ZNF76: variants seen among roughly 807,000 people sequenced by gnomAD.
ZNF76 encodes zinc finger protein 523.
ZNF76 carries 66 observed loss-of-function variants against 66.9 expected under a neutral mutation model. The ratio of observed to expected loss-of-function variants is 0.99; its 90% CI spans 0.81 to 1.21. The LOEUF is 1.21. ZNF76 is among the 50% of genes most tolerant of loss of function. The probability of loss-of-function intolerance (pLI) is 0.00; values close to 1 mark genes in which losing one functional copy is unlikely to be tolerated. For synonymous variants in ZNF76, 275 were observed against 296.1 expected, an observed-to-expected ratio of 0.93 and a Z score of 0.73; for missense variants, 729 against 760.3, an observed-to-expected ratio of 0.96 and a Z score of 0.48.
intron 1 of ZNF76, among the ~76,000 whole-genome samples, chr6:35,278,690 G>A (rs973252996): frequency 4.6e-5 from 7 of 152,222 alleles, no homozygotes; most frequent in African/African-American, 1.4e-4. Flanking sequence ...GAGTCTTCAC[G>A]ACTGCACTGA....
At chr6:35,276,294 C>T (rs568224300) in intron 1 of ZNF76, among the ~76,000 whole-genome samples, 12 of 152,262 alleles carry the variant, frequency 7.9e-5, no homozygotes, top group African/African-American at 2.6e-4. Flanking sequence ...GAGATAGAAT[C>T]GAGATTAGAA....
chr6:35,291,637 C>T lies in ZNF76; in HGVS notation c.831C>T (p.Arg277=), dbSNP rs1790398580. 6.2e-7 allele frequency: 1 copy of T among 1,613,962 alleles called. No individual in the cohort carries two copies. The highest frequency in any genetic ancestry group is 8.5e-7 in the Non-Finnish European group (1 of 1,179,978). The change falls in exon 9 of 14, where the codon CGC becomes CGT. Residue 277 remains arginine (R), a synonymous_variant. Coordinates refer to ENST00000373953, the MANE Select transcript of ZNF76 (RefSeq NM_003427.5). ...TTSNIRKVHV[R]THTGERPYTC... The stretch of plus-strand genomic sequence containing the variant: ...CTAACATCCGCAAGGTACATGTGCG[C>T]ACCCACACAGGCGAGAGGCCCTACA...
Position 35,292,333 on chromosome 6 carries a change from T to G in ZNF76, c.932-221T>G. 9 of 551,522 alleles carry G rather than the reference T, an allele frequency of 1.6e-5. No individual in the cohort carries two copies. The highest frequency in any genetic ancestry group is 6.5e-5 in the East Asian group (2 of 30,788). 34.2% of individuals were successfully genotyped at this position (551,522 alleles called of 1,614,324 possible). A position where few individuals can be genotyped will look rare whatever the true frequency, so the allele number is the denominator to read the frequency against. ...AGCCCCAGCCTTGCCCTGTCCCCCG[T>G]TTCCTTTCCGCCTTGTCTCTGGATT... On this transcript the variant is annotated intron_variant, in intron 9 of 13. Transcript: ENST00000373953. This position sits in a 1 kb window ranked among gnomAD's most constrained non-coding sequence, Gnocchi z 4.7.
At chr6:35,275,740 A>C (rs1398764066) in intron 1 of ZNF76, among the ~76,000 whole-genome samples, 1 of 152,234 alleles carries the variant, frequency 6.6e-6, no homozygotes, top group African/African-American at 2.4e-5. Context: ...TTTAGCCTGT[A>C]CGCGAGAACA....
intron 1 of ZNF76, among the ~76,000 whole-genome samples, chr6:35,276,928 C>T (rs1213414682): frequency 2.7e-5 from 4 of 150,286 alleles, no homozygotes; most frequent in Admixed American, 6.7e-5. Flanking sequence ...TCCCAAGTAG[C>T]TAGGCATGTG....
rs1181429898 is a variant in ZNF76, at chr6:35,295,584, T to C, written c.*336T>C. On this transcript the variant is annotated 3_prime_UTR_variant, in exon 14 of 14. Transcript: ENST00000373953. ...GTCTGTTCCCCTTCTCAGGTAGAGA[T>C]TGGGGCTGCTATGGGGACTGGCCCT... is the stretch of plus-strand genomic sequence containing the variant. 2 of 363,454 alleles carry C rather than the reference T, an allele frequency of 5.5e-6. No individual in the cohort carries two copies. The highest frequency in any genetic ancestry group is 2.1e-5 in the South Asian group (1 of 46,610). The allele number at this position is 363,454 out of a possible 1,614,324, so 22.5% of individuals were successfully genotyped here.
At position 35,286,324 on chromosome 6, in the gene ZNF76, G is replaced by A. The variant is rs140950744; in HGVS notation, c.157G>A (p.Ala53Thr). The change falls in exon 4 of 14, where the codon GCT becomes ACT. Residue 53 changes from alanine (A) to threonine (T), a missense_variant and splice_region_variant. Transcript: ENST00000373953. The stretch of plus-strand genomic sequence containing the variant: ...GGCAGGCATTGCTCTCGTTACAGAA[G>A]CTCTCTCCTTTGAGGATGGTCAGCC... ...YIHQVTVQKE[A>T]LSFEDGQPVQ... 48 of 1,614,104 alleles carry A rather than the reference G, an allele frequency of 3.0e-5. No individual in the cohort carries two copies. The highest frequency in any genetic ancestry group is 3.4e-5 in the Non-Finnish European group (40 of 1,180,038).
chr6:35,282,367 A>C (rs1477913027), intron 2 of ZNF76, among the ~76,000 whole-genome samples: 1 of 152,068 alleles, frequency 6.6e-6, no homozygotes, highest in Non-Finnish European at 1.5e-5. Flanking sequence ...AAGTTCTAAA[A>C]AAAAAAAAAA....
intron 1 of ZNF76, among the ~76,000 whole-genome samples, chr6:35,267,138 A>G (rs1582032997): frequency 6.6e-6 from 1 of 151,832 alleles, no homozygotes; most frequent in East Asian, 1.9e-4. Context: ...TCTGTCACCC[A>G]GGCTGGAGTG....
intron 5 of ZNF76, chr6:35,288,344 C>G (rs1403735300): frequency 5.6e-6 from 2 of 356,912 alleles, no homozygotes; most frequent in Non-Finnish European, 1.1e-5. Context: ...AGCTGGGATT[C>G]CTGGATTATG....
chr6:35,290,175 C>A, intron 5 of ZNF76, 91 bp from the exon 6 acceptor site: 1 of 1,546,374 alleles, frequency 6.5e-7, no homozygotes, highest in Non-Finnish European at 8.8e-7. Context: ...TTTAACCCTG[C>A]CTGTTGGGTC....
intron 1 of ZNF76, among the ~76,000 whole-genome samples, chr6:35,275,655 C>T (rs970308485): frequency 2.0e-5 from 3 of 152,136 alleles, no homozygotes; most frequent in African/African-American, 7.2e-5. Context: ...TGGGAAAGGT[C>T]AGGGAACAAC....
intron 2 of ZNF76, among the ~76,000 whole-genome samples, chr6:35,282,673 G>A (rs1001606846): frequency 1.3e-5 from 2 of 152,190 alleles, no homozygotes; most frequent in Non-Finnish European, 2.9e-5. Context: ...CTGAAGCACT[G>A]TCATTGCAAC....
rs771837239 is a variant in ZNF76, at chr6:35,291,574, G to C, written c.768G>C (p.Gln256His). 1 of 1,613,726 alleles carries C rather than the reference G, an allele frequency of 6.2e-7. No homozygotes were observed. The highest frequency in any genetic ancestry group is 1.1e-5 in the South Asian group (1 of 91,084). The change falls in exon 9 of 14, where the codon CAG becomes CAC. Residue 256 changes from glutamine (Q) to histidine (H), a missense_variant. By Grantham distance (24) the Gln-to-His change is conservative. Transcript: ENST00000373953. ...VRTHTGERPF[Q>H]CPFEGCGRSF... The stretch of plus-strand genomic sequence containing the variant: ...TTTGCATAGGTGAACGCCCGTTCCA[G>C]TGCCCTTTTGAGGGCTGTGGCCGCT...
chr6:35,260,657 C>T (rs1202983702), intron 1 of ZNF76, among the ~76,000 whole-genome samples: 4 of 152,144 alleles, frequency 2.6e-5, no homozygotes, highest in African/African-American at 9.7e-5. Flanking sequence ...AGTGTGTGGT[C>T]CCAGCTCTGT....
Position 35,287,921 on chromosome 6 carries a change from C to A in ZNF76, c.432+76C>A. ...GCCTGCGCACTGCCTCTTGGCCCTGCCAGAACTTCACCTCTCAAGAGGACA... is the reference window on the plus strand; with the variant it reads ...GCCTGCGCACTGCCTCTTGGCCCTGACAGAACTTCACCTCTCAAGAGGACA... On this transcript the variant is annotated intron_variant, in intron 5 of 13. Coordinates refer to ENST00000373953, the MANE Select transcript of ZNF76 (RefSeq NM_003427.5). This position sits in a 1 kb window ranked among gnomAD's most constrained non-coding sequence, Gnocchi z 4.0. 1 of 1,486,124 alleles carries A rather than the reference C, an allele frequency of 6.7e-7. No homozygotes were observed. Among genetic ancestry groups the A allele is most frequent in the Non-Finnish European group, 9.1e-7 (1 of 1,095,094 alleles). The allele number at this position is 1,486,124 out of a possible 1,614,324, so 92.1% of individuals were successfully genotyped here.
At chr6:35,275,405 C>T (rs948811524) in intron 1 of ZNF76, among the ~76,000 whole-genome samples, 2 of 152,098 alleles carry the variant, frequency 1.3e-5, no homozygotes, top group Admixed American at 6.6e-5. Flanking sequence ...GAGTCTGAAC[C>T]GGCAAGTGCA....
rs186736607 is a variant in ZNF76 at position 35,280,640 on chromosome 6, C to G, written c.-96-416C>G. ...TGTGAGTTCTGTTGAGGACTTATTC[C>G]ACGTGTGGTACATGTGGGATGTTCC... On this transcript the variant is annotated intron_variant, in intron 1 of 13. Coordinates refer to ENST00000373953, the MANE Select transcript of ZNF76 (RefSeq NM_003427.5). Among the ~76,000 whole-genome samples the G allele has an allele frequency of 2.4e-4, 36 of 150,268 alleles. 1 individual carries two copies. The East Asian group carries it at 7.2e-3, about 30-fold the overall frequency.
chr6:35,271,216 A>T (rs1190266362), intron 1 of ZNF76, among the ~76,000 whole-genome samples: 1 of 152,204 alleles, frequency 6.6e-6, no homozygotes, highest in Non-Finnish European at 1.5e-5. Context: ...TGTAGACTAG[A>T]TGTGAAATTG....
Sources: allele counts gnomAD v4.1 joint callset (sites outside exome capture counted in the v4.1 genomes callset), GRCh38; gene constraint gnomAD v4.1.1; non-coding constraint Gnocchi (gnomAD v3.1); transcripts MANE v1.5; gene names NCBI Gene and HGNC (gene_info 2026-07-23, HGNC 2026-07-21).